DHX33: variants seen among roughly 807,000 people sequenced by gnomAD.
DHX33 encodes the protein DEAH-box helicase 33.
A neutral mutation model predicts 72.5 loss-of-function variants in DHX33; 42 were observed. The ratio of observed to expected loss-of-function variants is 0.58; its 90% CI spans 0.45 to 0.75. DHX33 has a LOEUF of 0.75. DHX33 is among the 30% of genes least tolerant of loss of function. The pLI, the probability that DHX33 is intolerant of heterozygous loss-of-function variation, is 0.00. For missense variants in DHX33, 842 were observed against 917.5 expected (o/e 0.92, Z 1.06); for synonymous variants, 358 against 366.1 (o/e 0.98, Z 0.25).
rs778572603 is a variant in DHX33, at chr17:5,444,343, C to T, written c.1986G>A (p.Lys662=). ...GCTCAGTGTACACGACGCAGGCCGG[C>T]TTGCAGTGGAAGAGGACAGACGACG... is the stretch of plus-strand genomic sequence containing the variant. ...IHPSSVLFHC[K]PACVVYTELL... is the part of the protein sequence containing the mutation. The change falls in exon 12 of 12, where the codon AAG becomes AAA. Residue 662 remains lysine (K), a synonymous_variant. Transcript: ENST00000225296. The surrounding 1 kb of genome is among the most constrained non-coding windows in gnomAD (Gnocchi z 4.9). 6.2e-7 allele frequency: 1 copy of T among 1,614,216 alleles called. No individual in the cohort carries two copies. Among genetic ancestry groups the T allele is most frequent in the Non-Finnish European group, 8.5e-7 (1 of 1,180,052 alleles).
chr17:5,456,924 C>T (rs1904345745), intron 4 of DHX33, among the ~76,000 whole-genome samples: 1 of 152,206 alleles, frequency 6.6e-6, no homozygotes, highest in South Asian at 2.1e-4. Context: ...CGGACAACTG[C>T]TTGAGATACT....
rs1597364804 is a variant in DHX33, at chr17:5,463,672, T to C, written c.307A>G (p.Lys103Glu). The change falls in exon 2 of 12, where the codon AAG becomes GAG. Residue 103 changes from lysine to glutamate, a missense_variant. Physicochemically the swap from Lys to Glu is moderately conservative, Grantham distance 56. Transcript: ENST00000225296. ...AVLIGETGSG[K>E]TTQIPQYLYE... Reference sequence around the variant, plus strand: ...AGGTACTGAGGGATCTGAGTTGTCTTCCCAGAGCCAGTTTCCCCTAGGAGA... The same window carrying C: ...AGGTACTGAGGGATCTGAGTTGTCTCCCCAGAGCCAGTTTCCCCTAGGAGA... 1 of 1,608,482 alleles carries C rather than the reference T, an allele frequency of 6.2e-7. No individual in the cohort carries two copies. Among genetic ancestry groups the C allele is most frequent in the Non-Finnish European group, 8.5e-7 (1 of 1,177,922 alleles).
rs892368142 is a variant in DHX33, at chr17:5,462,630, C to G, written c.451-84G>C. ...GGCACTAAGTTGGGCACTTGCACTA[C>G]CACAGTGAACAAGACCAACACCAAC... On this transcript the variant is annotated intron_variant, in intron 2 of 11. Coordinates refer to ENST00000225296, the MANE Select transcript of DHX33 (RefSeq NM_020162.4). 6.9e-5 allele frequency: 65 copies of G among 937,334 alleles called. 1 individual carries two copies. The South Asian group carries it at 8.5e-4, about 12-fold the overall frequency. The allele number at this position is 937,334 out of a possible 1,614,324, so 58.1% of individuals were successfully genotyped here. A position where few individuals can be genotyped will look rare whatever the true frequency, so the allele number is the denominator to read the frequency against.
intron 4 of DHX33, among the ~76,000 whole-genome samples, chr17:5,460,664 G>A (rs1380642064): frequency 6.6e-6 from 1 of 151,956 alleles, no homozygotes; most frequent in African/African-American, 2.4e-5. Context: ...CCGCCATCAT[G>A]CCTGGCTAAT....
At chr17:5,448,602 T>TA (rs1234007648) in intron 11 of DHX33, among the ~76,000 whole-genome samples, 9 of 152,190 alleles carry the variant, frequency 5.9e-5, no homozygotes, top group Admixed American at 4.6e-4. Context: ...ATTTACTATG[T>TA]AAAAAAATAC....
At position 5,455,531 on chromosome 17, in the gene DHX33, G is replaced by C. The variant is rs564316456; in HGVS notation, c.1036-260C>G. Among the ~76,000 whole-genome samples, 4 of 152,294 alleles carry C rather than the reference G, an allele frequency of 2.6e-5. No individual in the cohort carries two copies. In the South Asian group the frequency reaches 8.3e-4, roughly 32 times the overall value. Reference sequence around the variant, plus strand: ...ATCAGAAGCAAGTAGATGTGGGTTGGAATCGTGGCCCTGCCAGTGACTTAC... The same window carrying C: ...ATCAGAAGCAAGTAGATGTGGGTTGCAATCGTGGCCCTGCCAGTGACTTAC... On this transcript the variant is annotated intron_variant, in intron 5 of 11. Transcript: ENST00000225296.
intron 4 of DHX33, among the ~76,000 whole-genome samples, chr17:5,456,490 C>CT (rs1294181463): frequency 6.6e-6 from 1 of 151,998 alleles, no homozygotes; most frequent in Non-Finnish European, 1.5e-5. Flanking sequence ...CTACAAAACA[C>CT]TTTTTTTTAA....
intron 8 of DHX33, 128 bp from the exon 9 acceptor site, chr17:5,451,062 C>G (rs1171230918): frequency 9.8e-7 from 1 of 1,024,168 alleles, no homozygotes; most frequent in East Asian, 2.5e-5. Context: ...CGCCACTGCC[C>G]CCTTGACACA....
At position 5,468,939 on chromosome 17, in the gene DHX33, G is replaced by A. The variant is rs28372907; in HGVS notation, c.-80C>T. ...CAGGTGCAGACAACAGGAGCACACC[G>A]CCCCTTCCTCGCCGCCACGTGCTGG... On this transcript the variant is annotated 5_prime_UTR_variant, in exon 1 of 12. Transcript: ENST00000225296. 0.22 allele frequency: 315,273 copies of A among 1,428,252 alleles called. 39,530 individuals are homozygous for A. Among genetic ancestry groups the A allele is most frequent in the African/African-American group, 0.51 (34,916 of 68,598 alleles). 88.5% of individuals were successfully genotyped at this position (1,428,252 alleles called of 1,614,324 possible). A position where few individuals can be genotyped will look rare whatever the true frequency, so the allele number is the denominator to read the frequency against.
Position 5,450,403 on chromosome 17 carries a change from T to C in DHX33, c.1528A>G (p.Ile510Val). 1 of 1,613,692 alleles carries C rather than the reference T, an allele frequency of 6.2e-7. No individual in the cohort carries two copies. The highest frequency in any genetic ancestry group is 8.5e-7 in the Non-Finnish European group (1 of 1,179,636). ...CAGTGGAATTTGGGGGACATGAGGA[T>C]GGTCTGCAAAGCAAAATTTAAAATT... ...FPLEPKFAKT[I>V]LMSPKFHCTE... The change falls in exon 10 of 12, where the codon ATC becomes GTC. Residue 510 changes from isoleucine to valine, a missense_variant. Physicochemically the swap from Ile to Val is conservative, Grantham distance 29. Transcript: ENST00000225296.
At chr17:5,462,239 C>T in intron 3 of DHX33, 80 bp downstream of exon 3, 1 of 1,392,944 alleles carries the variant, frequency 7.2e-7, no homozygotes, top group South Asian at 1.3e-5. Context: ...CGCGCCCAGC[C>T]AGGCCTGTTT....
At chr17:5,461,209 C>A (rs1904590751) in intron 3 of DHX33, 100 bp from the exon 4 acceptor site, 2 of 1,247,390 alleles carry the variant, frequency 1.6e-6, no homozygotes, top group Non-Finnish European at 2.2e-6. Flanking sequence ...GCCTGTGCCA[C>A]CCCCATCACA....
intron 4 of DHX33, among the ~76,000 whole-genome samples, 163 bp downstream of exon 4, chr17:5,460,776 G>C (rs951938637): frequency 6.6e-6 from 1 of 152,084 alleles, no homozygotes; most frequent in Non-Finnish European, 1.5e-5. Flanking sequence ...CAAAGTGCAG[G>C]GATTACAGGC....
intron 5 of DHX33, 77 bp downstream of exon 5, chr17:5,455,920 G>A: frequency 6.8e-7 from 1 of 1,463,616 alleles, no homozygotes; most frequent in African/African-American, 1.4e-5. Flanking sequence ...CTGGAGCCTG[G>A]TAACAGGTAC....
intron 10 of DHX33, among the ~76,000 whole-genome samples, chr17:5,449,666 G>A (rs1459054141): frequency 6.6e-6 from 1 of 152,156 alleles, no homozygotes; most frequent in Non-Finnish European, 1.5e-5. Context: ...GGAAGTCCTG[G>A]GCTCAAGTGA....
chr17:5,468,401 G>A (rs1418788644), intron 1 of DHX33, among the ~76,000 whole-genome samples, 170 bp downstream of exon 1: 1 of 152,236 alleles, frequency 6.6e-6, no homozygotes, highest in African/African-American at 2.4e-5. Flanking sequence ...GCGCCTCCAG[G>A]GCAGGGCTGC....
rs1916423076 is a variant in DHX33 at position 5,441,152 on chromosome 17, TCCAG to T, written c.*3049_*3052del. 1 of 118,108 alleles carries T rather than the reference TCCAG, an allele frequency of 8.5e-6. No individual in the cohort carries two copies. Among genetic ancestry groups the T allele is most frequent in the African/African-American group, 3.4e-5 (1 of 29,272 alleles). The allele number at this position is 118,108 out of a possible 1,614,324, so 7.3% of individuals were successfully genotyped here. On this transcript the variant is annotated 3_prime_UTR_variant, in exon 12 of 12. Transcript: ENST00000225296. ...AAAAAAAAAAATGCATGGCCACAGT[TCCAG>T]GCAGTTCCTGGTAGCTGGATTTAGT...
At chr17:5,463,053 T>C (rs1454730167) in intron 2 of DHX33, among the ~76,000 whole-genome samples, 1 of 151,746 alleles carries the variant, frequency 6.6e-6, no homozygotes, top group Non-Finnish European at 1.5e-5. Flanking sequence ...CACCTCAGCC[T>C]GGGCGACCGA....
At chr17:5,458,088 G>A (rs966605169) in intron 4 of DHX33, among the ~76,000 whole-genome samples, 2 of 152,130 alleles carry the variant, frequency 1.3e-5, no homozygotes, top group African/African-American at 4.8e-5. Context: ...TCTGAGTATA[G>A]AGTAGTTAAA....
Sources: gnomAD v4.1 joint callset for allele counts (sites outside exome capture counted in the v4.1 genomes callset) on GRCh38, gnomAD v4.1.1 for gene constraint, Gnocchi (gnomAD v3.1) non-coding constraint, MANE v1.5 for transcripts, NCBI Gene and HGNC (gene_info 2026-07-23, HGNC 2026-07-21) for gene names.